ZFYVE9: variants seen among roughly 807,000 people sequenced by gnomAD.
The protein encoded by ZFYVE9 is zinc finger FYVE domain-containing protein 9.
ZFYVE9 carries 43 observed loss-of-function variants against 126.7 expected under a neutral mutation model. The ratio of observed to expected loss-of-function variants is 0.34; its 90% CI spans 0.27 to 0.44. The LOEUF is 0.44. Among genes scored for constraint, ZFYVE9 ranks in the 20% least tolerant of loss-of-function variants. ZFYVE9 has a pLI of 1.00. For synonymous variants in ZFYVE9, 521 were observed against 597.4 expected, an observed-to-expected ratio of 0.87 and a Z score of 1.87; for missense variants, 1,476 against 1,697.0, an observed-to-expected ratio of 0.87 and a Z score of 2.29.
At chr1:52,201,178 T>TC (rs1456058096) in intron 1 of ZFYVE9, among the ~76,000 whole-genome samples, 1 of 152,210 alleles carries the variant, frequency 6.6e-6, no homozygotes, top group Non-Finnish European at 1.5e-5. Flanking sequence ...TGTTGTTTTT[T>TC]CATATAGATC....
intron 1 of ZFYVE9, among the ~76,000 whole-genome samples, chr1:52,208,587 A>G (rs2124582394): frequency 6.7e-6 from 1 of 150,302 alleles, no homozygotes; most frequent in Non-Finnish European, 1.5e-5. Flanking sequence ...GCGCGATCTC[A>G]GCCCGGCGCA....
intron 13 of ZFYVE9, among the ~76,000 whole-genome samples, chr1:52,330,311 G>A (rs1423784796): frequency 1.3e-5 from 2 of 152,194 alleles, no homozygotes; most frequent in Non-Finnish European, 2.9e-5. Context: ...GGGAGCTGGA[G>A]GTTGCGGTGA....
At chr1:52,303,677 C>T in intron 12 of ZFYVE9, 144 bp from the exon 13 acceptor site, 1 of 456,330 alleles carries the variant, frequency 2.2e-6, no homozygotes, top group Non-Finnish European at 3.8e-6. Context: ...TATAGTGGGG[C>T]TTTCATTATA....
intron 11 of ZFYVE9, among the ~76,000 whole-genome samples, chr1:52,295,592 G>A (rs1165589408): frequency 6.6e-6 from 1 of 151,988 alleles, no homozygotes; most frequent in Non-Finnish European, 1.5e-5. Flanking sequence ...CAAACTCCTA[G>A]GCTCAGGTGA....
intron 4 of ZFYVE9, among the ~76,000 whole-genome samples, chr1:52,256,069 T>A (rs1645515779): frequency 1.3e-5 from 2 of 149,732 alleles, no homozygotes; most frequent in African/African-American, 4.9e-5. Flanking sequence ...CTCTCTTTCT[T>A]TCTTTTCTTT....
chr1:52,237,450 T>TA (rs769424420), intron 3 of ZFYVE9, 38 bp from the exon 4 acceptor site: 1 of 1,526,290 alleles, frequency 6.6e-7, no homozygotes, highest in Non-Finnish European at 8.9e-7. Context: ...TTTCCAGTGT[T>TA]ACAAGCAAAC....
rs138765001 is a variant in ZFYVE9 at position 52,238,036 on chromosome 1, A to G, written c.619A>G (p.Met207Val). The G allele has an allele frequency of 7.6e-4, 1,220 of 1,614,046 alleles. 18 individuals are homozygous for G. In the South Asian group the frequency reaches 0.01, roughly 14 times the overall value. Residue 207 changes from methionine to valine, a missense_variant, in exon 4 of 19, where the codon ATG becomes GTG. By Grantham distance (21) the Met-to-Val change is conservative. Coordinates refer to ENST00000287727, the MANE Select transcript of ZFYVE9 (RefSeq NM_004799.4). Reference protein sequence around the residue: ...FSINESTEKDMNSEKQMDPLN... With the variant: ...FSINESTEKDVNSEKQMDPLN... ...TATAAATGAGTCCACTGAAAAAGATATGAATTCAGAGAAACAAATGGATCC... is the reference window on the plus strand; with the variant it reads ...TATAAATGAGTCCACTGAAAAAGATGTGAATTCAGAGAAACAAATGGATCC...
chr1:52,291,496 A>T (rs988389509), intron 10 of ZFYVE9, among the ~76,000 whole-genome samples: 2 of 152,198 alleles, frequency 1.3e-5, no homozygotes, highest in Non-Finnish European at 2.9e-5. Context: ...TGCAATTCTA[A>T]ACTGAGGAAA....
chr1:52,202,946 A>T (rs1644937822), intron 1 of ZFYVE9, among the ~76,000 whole-genome samples: 1 of 152,060 alleles, frequency 6.6e-6, no homozygotes, highest in Non-Finnish European at 1.5e-5. Context: ...TTGGCCTCCC[A>T]AAGTGCTGGG....
chr1:52,343,962 C>T (rs1489644180), intron 17 of ZFYVE9, among the ~76,000 whole-genome samples: 1 of 151,790 alleles, frequency 6.6e-6, no homozygotes, highest in Non-Finnish European at 1.5e-5. Context: ...ATCCCAGCTA[C>T]TCAGGAGGCT....
In ZFYVE9 at chr1:52,296,890, T is replaced by C. The variant is rs553417261; in HGVS notation, c.3333+913T>C. On this transcript the variant is annotated intron_variant, in intron 12 of 18. Coordinates refer to ENST00000287727, the MANE Select transcript of ZFYVE9 (RefSeq NM_004799.4). ...ATGCAGTGGCACGATCTCAGCTCAT[T>C]GCAACCTCCACCTCCGAGCAATTCT... 1.5e-3 allele frequency among the ~76,000 whole-genome samples: 235 copies of C among 152,238 alleles called. 1 individual carries two copies. Among genetic ancestry groups the C allele is most frequent in the African/African-American group, 5.4e-3 (226 of 41,548 alleles).
rs116751449 is a variant in ZFYVE9, at chr1:52,265,780, G to A, written c.2279-875G>A. ...AAAAGATTGAGATGTGTCCTCCTGA[G>A]CTTTAGGCTTTAGAAATTTTTAATG... On this transcript the variant is annotated intron_variant, in intron 5 of 18. Transcript: ENST00000287727. Among the ~76,000 whole-genome samples the A allele has an allele frequency of 9.8e-3, 1,486 of 152,286 alleles. 22 individuals carry two copies. The highest frequency in any genetic ancestry group is 0.033 in the African/African-American group (1,385 of 41,552).
Position 52,158,992 on chromosome 1 carries a change from C to T in ZFYVE9, c.-143+16589C>T, listed in dbSNP as rs185594558. Among the ~76,000 whole-genome samples the T allele has an allele frequency of 2.4e-3, 372 of 152,148 alleles. 2 individuals are homozygous for T. The highest frequency in any genetic ancestry group is 3.9e-3 in the Non-Finnish European group (267 of 68,002). On this transcript the variant is annotated intron_variant, in intron 1 of 18. Coordinates refer to ENST00000287727, the MANE Select transcript of ZFYVE9 (RefSeq NM_004799.4). ...TATTTTTAGTAGAGACGGGGTTTCA[C>T]CATGTTGGCCAGGATGGTCTCGATC... is the stretch of plus-strand genomic sequence containing the variant.
intron 4 of ZFYVE9, among the ~76,000 whole-genome samples, chr1:52,260,687 C>T (rs1336411416): frequency 6.6e-6 from 1 of 152,066 alleles, no homozygotes; most frequent in Admixed American, 6.6e-5. Context: ...CATGGTGGCA[C>T]ACACCTGTAA....
chr1:52,253,684 G>A, intron 4 of ZFYVE9: 2 of 1,601,494 alleles, frequency 1.2e-6, no homozygotes, highest in South Asian at 1.1e-5. Context: ...GACTGGAACA[G>A]TACGGGAAAT....
chr1:52,159,957 G>A (rs753896300), intron 1 of ZFYVE9, among the ~76,000 whole-genome samples: 1 of 151,670 alleles, frequency 6.6e-6, no homozygotes, highest in Non-Finnish European at 1.5e-5. Context: ...CACCATGCCC[G>A]GCTAATTTTT....
intron 10 of ZFYVE9, among the ~76,000 whole-genome samples, chr1:52,291,593 G>A (rs1334957783): frequency 6.6e-6 from 1 of 152,174 alleles, no homozygotes; most frequent in Non-Finnish European, 1.5e-5. Flanking sequence ...GCCAGGCATG[G>A]TGTACATGAA....
intron 10 of ZFYVE9, among the ~76,000 whole-genome samples, chr1:52,291,675 C>T (rs186640539): frequency 1.5e-4 from 22 of 150,342 alleles, no homozygotes; most frequent in African/African-American, 4.6e-4. Flanking sequence ...GTCAGGAGTT[C>T]GAGACCAGCC....
At chr1:52,286,491 G>A (rs1213202945) in intron 10 of ZFYVE9, among the ~76,000 whole-genome samples, 1 of 152,094 alleles carries the variant, frequency 6.6e-6, no homozygotes, top group African/African-American at 2.4e-5. Flanking sequence ...TGCAGTGGAG[G>A]GAAACATTAT....
Sources: gnomAD v4.1 joint callset for allele counts (sites outside exome capture counted in the v4.1 genomes callset) on GRCh38, gnomAD v4.1.1 for gene constraint, MANE v1.5 for transcripts, NCBI Gene and HGNC (gene_info 2026-07-23, HGNC 2026-07-21) for gene names.